The following ROBO2 variants were observed in gnomAD, a reference collection of about 807,000 sequenced individuals.
The protein encoded by ROBO2 is roundabout homolog 2.
A neutral mutation model predicts 160.8 loss-of-function variants in ROBO2; 53 were observed. The observed-to-expected ratio is 0.33, with a 90% CI of 0.26 to 0.41. ROBO2 has a LOEUF of 0.41. Ranked by LOEUF, ROBO2 falls within the 10% of genes least tolerant of loss-of-function variation. The probability of loss-of-function intolerance (pLI) is 1.00; values close to 1 mark genes in which losing one functional copy is unlikely to be tolerated. For synonymous variants in ROBO2, 664 were observed against 611.7 expected (o/e 1.09, Z -1.26); for missense variants, 1,577 against 1,722.4 (o/e 0.92, Z 1.49).
rs149934018 is a variant in ROBO2 at position 76,265,949 on chromosome 3, T to G, written c.109+328347T>G. Among the ~76,000 whole-genome samples the G allele has an allele frequency of 2.3e-3, 350 of 152,190 alleles. 3 individuals carry two copies. Among genetic ancestry groups the G allele is most frequent in the African/African-American group, 8.1e-3 (335 of 41,546 alleles). On this transcript the variant is annotated intron_variant, in intron 2 of 26. Transcript: ENST00000487694. ...ATGATCAAACTCAGGGTAAGTAAGC[T>G]CTTCAATAGGAAACTCTTCAAGAAT... is the stretch of plus-strand genomic sequence containing the variant.
At chr3:77,415,041 C>G (rs1276537352) in intron 2 of ROBO2, among the ~76,000 whole-genome samples, 1 of 152,166 alleles carries the variant, frequency 6.6e-6, no homozygotes, top group Admixed American at 6.5e-5. Context: ...GCTCACTCCA[C>G]CCATGATCCC....
chr3:77,174,620 A>G (rs894801468), intron 2 of ROBO2, among the ~76,000 whole-genome samples: 1 of 152,014 alleles, frequency 6.6e-6, no homozygotes, highest in Non-Finnish European at 1.5e-5. Flanking sequence ...ATTTCTCCAA[A>G]TCTTCATTTA....
At chr3:75,962,169 G>T (rs1407235417) in intron 2 of ROBO2, among the ~76,000 whole-genome samples, 1 of 151,476 alleles carries the variant, frequency 6.6e-6, no homozygotes, top group Non-Finnish European at 1.5e-5. Context: ...AGTTAATCTT[G>T]AAAGCAAAAG....
chr3:77,630,919 T>C (rs1017436960), intron 23 of ROBO2: 1 of 151,098 alleles, frequency 6.6e-6, no homozygotes, highest in African/African-American at 2.4e-5. Context: ...TTCCAGAGTT[T>C]CATATTCTTT....
Position 77,020,439 on chromosome 3 carries a change from G to A in ROBO2, c.110-77575G>A, listed in dbSNP as rs1460158402. ...CCTTAAAAATGTTCATGCTCTTTGA[G>A]TCAGTAAATCGGTCTATTTAAGCAA... On this transcript the variant is annotated intron_variant, in intron 2 of 26. Coordinates refer to the ROBO2 transcript ENST00000487694. 3.3e-5 allele frequency among the ~76,000 whole-genome samples: 5 copies of A among 152,202 alleles called. No individual in the cohort carries two copies. The East Asian group carries it at 7.7e-4, about 24-fold the overall frequency.
At chr3:76,635,323 C>T (rs1306877391) in intron 2 of ROBO2, among the ~76,000 whole-genome samples, 1 of 152,016 alleles carries the variant, frequency 6.6e-6, no homozygotes, top group East Asian at 1.9e-4. Flanking sequence ...GCTTTTTTGC[C>T]TAAGGTAGCT....
At chr3:76,476,155 A>ACAAACAAAAAAACC (rs2078921150) in intron 2 of ROBO2, among the ~76,000 whole-genome samples, 1 of 152,206 alleles carries the variant, frequency 6.6e-6, no homozygotes, top group Admixed American at 6.5e-5. Context: ...TGCATCTCAA[A>ACAAACAAAAAAACC]CAAACAAAAA....
intron 5 of ROBO2, among the ~76,000 whole-genome samples, chr3:77,508,019 C>G (rs2088821895): frequency 6.6e-6 from 1 of 151,862 alleles, no homozygotes; most frequent in Non-Finnish European, 1.5e-5. Flanking sequence ...ATACTCCTTT[C>G]TGATCATGAT....
chr3:76,550,510 A>T (rs1354381380), intron 2 of ROBO2, among the ~76,000 whole-genome samples: 2 of 152,240 alleles, frequency 1.3e-5, no homozygotes, highest in Non-Finnish European at 2.9e-5. Flanking sequence ...TGTGCTCTGC[A>T]GGGCCAGGAG....
chr3:76,364,789 G>C (rs1268594432), intron 2 of ROBO2, among the ~76,000 whole-genome samples: 1 of 151,972 alleles, frequency 6.6e-6, no homozygotes, highest in Non-Finnish European at 1.5e-5. Flanking sequence ...GTAGGCTGCT[G>C]ATCTTAATAA....
intron 2 of ROBO2, among the ~76,000 whole-genome samples, chr3:76,684,715 A>C (rs553129269): frequency 6.6e-6 from 1 of 152,012 alleles, no homozygotes; most frequent in African/African-American, 2.4e-5. Context: ...CAAAATAAAA[A>C]CATGTTTTCT....
rs190309550 is a variant in ROBO2, at chr3:77,566,843, T to G, written c.1850-1470T>G. Among the ~76,000 whole-genome samples, 661 of 152,180 alleles carry G rather than the reference T, an allele frequency of 4.3e-3. 2 individuals carry two copies. Among genetic ancestry groups the G allele is most frequent in the Non-Finnish European group, 7.5e-3 (510 of 67,972 alleles). Reference sequence around the variant, plus strand: ...AGGATTATTTTTGGGTACCATACTTTCAGCAGCTTTGCAATCTGCAAAGCA... The same window carrying G: ...AGGATTATTTTTGGGTACCATACTTGCAGCAGCTTTGCAATCTGCAAAGCA... On this transcript the variant is annotated intron_variant, in intron 12 of 25. Coordinates refer to ENST00000461745, the Ensembl canonical transcript of ROBO2.
chr3:76,689,821 C>A (rs919115504), intron 2 of ROBO2, among the ~76,000 whole-genome samples: 1 of 151,996 alleles, frequency 6.6e-6, no homozygotes, highest in African/African-American at 2.4e-5. Context: ...TCCCCGTTCT[C>A]TCTGTGTGTA....
chr3:76,281,180 A>G (rs1339962702), intron 2 of ROBO2, among the ~76,000 whole-genome samples: 1 of 151,778 alleles, frequency 6.6e-6, no homozygotes, highest in African/African-American at 2.4e-5. Context: ...ACATGTGGGA[A>G]TACTACCAAT....
intron 2 of ROBO2, among the ~76,000 whole-genome samples, chr3:77,284,739 T>G (rs1011439999): frequency 6.6e-6 from 1 of 152,072 alleles, no homozygotes; most frequent in African/African-American, 2.4e-5. Context: ...CCTCTCTTTC[T>G]TACCTGTAAA....
At chr3:77,313,306 G>A (rs769537328) in intron 2 of ROBO2, among the ~76,000 whole-genome samples, 2 of 152,096 alleles carry the variant, frequency 1.3e-5, no homozygotes, top group Non-Finnish European at 2.9e-5. Flanking sequence ...CATATAATAT[G>A]CAGTAATCAT....
chr3:76,091,015 A>G (rs777355920), intron 2 of ROBO2, among the ~76,000 whole-genome samples: 3 of 152,220 alleles, frequency 2.0e-5, no homozygotes, highest in Non-Finnish European at 2.9e-5. Context: ...AAGATAGCAT[A>G]GGAGAAAATC....
intron 2 of ROBO2, among the ~76,000 whole-genome samples, chr3:76,925,277 TAG>T (rs201571610): frequency 0.029 from 4,427 of 151,800 alleles, 216 homozygotes; most frequent in African/African-American, 0.1. Context: ...ATTTGTTGGA[TAG>T]ATAAATAAAT....
chr3:77,174,386 T>C (rs2079932905), intron 2 of ROBO2, among the ~76,000 whole-genome samples: 1 of 151,990 alleles, frequency 6.6e-6, no homozygotes, highest in Non-Finnish European at 1.5e-5. Context: ...GAAACAATTA[T>C]ATTAGCCCGT....
Sources: allele counts gnomAD v4.1 joint callset (sites outside exome capture counted in the v4.1 genomes callset), GRCh38; gene constraint gnomAD v4.1.1; transcripts MANE v1.5; gene names NCBI Gene and HGNC (gene_info 2026-07-23, HGNC 2026-07-21).